RFX3: variants seen among roughly 807,000 people sequenced by gnomAD.
RFX3 encodes the protein regulatory factor X3, also known as transcription factor RFX3.
A neutral mutation model predicts 98.6 loss-of-function variants in RFX3; 14 were observed. That is an observed-to-expected ratio of 0.14 (90% CI 0.09 to 0.22). The LOEUF (loss-of-function observed/expected upper bound fraction) is 0.22. RFX3 is among the 10% of genes least tolerant of loss of function. The probability of loss-of-function intolerance (pLI) is 1.00; values close to 1 mark genes in which losing one functional copy is unlikely to be tolerated. For missense variants in RFX3, 639 were observed against 926.9 expected (o/e 0.69, Z 4.03); for synonymous variants, 383 against 328.4 (o/e 1.17, Z -1.80).
At chr9:3,484,573 G>T (rs1850086806) in intron 1 of RFX3, among the ~76,000 whole-genome samples, 1 of 152,156 alleles carries the variant, frequency 6.6e-6, no homozygotes, top group African/African-American at 2.4e-5. Context: ...TTTGATAGAT[G>T]GGAGTTTCTC....
At chr9:3,322,168 G>T (rs954903933) in intron 4 of RFX3, among the ~76,000 whole-genome samples, 2 of 152,054 alleles carry the variant, frequency 1.3e-5, no homozygotes, top group Non-Finnish European at 2.9e-5. Context: ...TTGGTATTAT[G>T]ATTGAGATTA....
At chr9:3,247,321 G>C in intron 15 of RFX3, 1 of 986,978 alleles carries the variant, frequency 1.0e-6, no homozygotes, top group Non-Finnish European at 1.2e-6. Flanking sequence ...CTGAAGAAGA[G>C]AATTTTCCCC....
chr9:3,354,479 A>C (rs1392219927), intron 2 of RFX3, among the ~76,000 whole-genome samples: 2 of 151,994 alleles, frequency 1.3e-5, no homozygotes, highest in Non-Finnish European at 2.9e-5. Flanking sequence ...TAAGCAGACA[A>C]AAAAAGATAG....
chr9:3,387,976 C>A (rs536285740), intron 2 of RFX3, among the ~76,000 whole-genome samples: 2 of 152,234 alleles, frequency 1.3e-5, no homozygotes, highest in Non-Finnish European at 2.9e-5. Context: ...ATTTAAGATA[C>A]TTTTGATCAA....
intron 4 of RFX3, among the ~76,000 whole-genome samples, chr9:3,311,660 G>A (rs1238715756): frequency 6.6e-6 from 1 of 152,166 alleles, no homozygotes; most frequent in Non-Finnish European, 1.5e-5. Context: ...CAAGACAGGT[G>A]GATCACCTGA....
At chr9:3,301,366 T>G (rs1030185647) in intron 5 of RFX3, among the ~76,000 whole-genome samples, 180 bp downstream of exon 5, 2 of 151,988 alleles carry the variant, frequency 1.3e-5, no homozygotes, top group Admixed American at 1.3e-4. Flanking sequence ...CTGGAGACTC[T>G]ATTTTTTGGA....
chr9:3,272,018 C>T (rs900326794), intron 9 of RFX3, among the ~76,000 whole-genome samples: 4 of 152,060 alleles, frequency 2.6e-5, no homozygotes, highest in Non-Finnish European at 5.9e-5. Flanking sequence ...AACTATTTCC[C>T]AGATGCATCT....
chr9:3,242,671 T>C (rs1820118354), intron 15 of RFX3, among the ~76,000 whole-genome samples: 1 of 152,172 alleles, frequency 6.6e-6, no homozygotes, highest in South Asian at 2.1e-4. Context: ...CAATTATTAT[T>C]GCTCTTCTTC....
intron 2 of RFX3, among the ~76,000 whole-genome samples, chr9:3,369,071 G>GA (rs1240042447): frequency 1.3e-5 from 2 of 152,086 alleles, no homozygotes; most frequent in Non-Finnish European, 2.9e-5. Flanking sequence ...AGCTTCCAAG[G>GA]AAAAAATCAC....
At chr9:3,515,360 G>C (rs2133871858) in intron 1 of RFX3, among the ~76,000 whole-genome samples, 1 of 152,220 alleles carries the variant, frequency 6.6e-6, no homozygotes, top group South Asian at 2.1e-4. Context: ...AAATTAAACA[G>C]AATGCCCGTC....
intron 1 of RFX3, among the ~76,000 whole-genome samples, chr9:3,436,955 A>C (rs1028168350): frequency 1.1e-4 from 16 of 152,162 alleles, no homozygotes; most frequent in African/African-American, 3.9e-4. Flanking sequence ...TTTTTTTAAA[A>C]AAAATTGCTC....
intron 2 of RFX3, 148 bp downstream of exon 2, chr9:3,395,324 C>G (rs939835083): frequency 1.2e-6 from 1 of 850,660 alleles, no homozygotes; most frequent in East Asian, 2.5e-5. Flanking sequence ...AAGAAATGCT[C>G]AAGAAACATT....
chr9:3,295,242 A>G (rs925292265), intron 5 of RFX3, among the ~76,000 whole-genome samples: 3 of 152,024 alleles, frequency 2.0e-5, no homozygotes, highest in African/African-American at 7.2e-5. Context: ...ATTAGTTTTA[A>G]GTATAGCTGA....
At chr9:3,352,889 C>T (rs558840515) in intron 2 of RFX3, among the ~76,000 whole-genome samples, 22 of 152,120 alleles carry the variant, frequency 1.4e-4, no homozygotes, top group African/African-American at 4.6e-4. Flanking sequence ...TATAAAGACA[C>T]GTGCACACGT....
chr9:3,220,890 T>C lies in RFX3; in HGVS notation c.*4152A>G, dbSNP rs1817312018. 1 of 152,184 alleles carries C rather than the reference T, an allele frequency of 6.6e-6. No individual in the cohort carries two copies. The highest frequency in any genetic ancestry group is 6.5e-5 in the Admixed American group (1 of 15,272). 9.4% of individuals were successfully genotyped at this position (152,184 alleles called of 1,614,324 possible). ...ACTAGGATTCCATTAATTGATTCGT[T>C]CTAACCATATACATGGAGGTTGTTC... On this transcript the variant is annotated 3_prime_UTR_variant, in exon 17 of 17. Coordinates refer to ENST00000617270, the MANE Select transcript of RFX3 (RefSeq NM_001282116.2).
intron 1 of RFX3, among the ~76,000 whole-genome samples, chr9:3,496,690 G>C (rs1380867863): frequency 6.6e-6 from 1 of 151,886 alleles, no homozygotes; most frequent in Non-Finnish European, 1.5e-5. Context: ...CTGGGATCAA[G>C]GCAGTTAAGG....
intron 2 of RFX3, among the ~76,000 whole-genome samples, chr9:3,380,295 C>T (rs1839041857): frequency 6.6e-6 from 1 of 152,102 alleles, no homozygotes; most frequent in African/African-American, 2.4e-5. Context: ...GAAGTACCAC[C>T]CTCTCTAGAA....
chr9:3,248,242 C>A, intron 14 of RFX3, 57 bp from the exon 15 acceptor site: 1 of 1,507,584 alleles, frequency 6.6e-7, no homozygotes, highest in Non-Finnish European at 8.8e-7. Flanking sequence ...AATTAGCATT[C>A]TACCTATTTT....
At position 3,500,894 on chromosome 9, in the gene RFX3, A is replaced by G. The variant is rs1815928874; in HGVS notation, c.-9+24853T>C. Among the ~76,000 whole-genome samples, 4 of 152,200 alleles carry G rather than the reference A, an allele frequency of 2.6e-5. No individual in the cohort carries two copies. In the South Asian group the frequency reaches 8.3e-4, roughly 31 times the overall value. ...TTCTGTTAAGGATCTGATCTTAAAG[A>G]ATCAAAGTTCTAAACTGGTTACATG... On this transcript the variant is annotated intron_variant, in intron 1 of 16. Transcript: ENST00000617270.
Sources: gnomAD v4.1 joint callset for allele counts (sites outside exome capture counted in the v4.1 genomes callset) on GRCh38, gnomAD v4.1.1 for gene constraint, MANE v1.5 for transcripts, NCBI Gene and HGNC (gene_info 2026-07-23, HGNC 2026-07-21) for gene names.